Variants in VCAN observed in about 807,000 individuals in gnomAD.
VCAN encodes versican core protein.
VCAN carries 44 observed loss-of-function variants against 245.5 expected under a neutral mutation model. That is an observed-to-expected ratio of 0.18 (90% CI 0.14 to 0.23). VCAN has a LOEUF of 0.23. VCAN is among the 10% of genes least tolerant of loss of function. The probability of loss-of-function intolerance (pLI) is 1.00; values close to 1 mark genes in which losing one functional copy is unlikely to be tolerated. For synonymous variants in VCAN, 1,413 were observed against 1,437.0 expected, an observed-to-expected ratio of 0.98 and a Z score of 0.38; for missense variants, 3,793 against 4,057.9, an observed-to-expected ratio of 0.93 and a Z score of 1.77.
chr5:83,474,298 G>T (rs1289150871), intron 1 of VCAN, among the ~76,000 whole-genome samples: 2 of 152,178 alleles, frequency 1.3e-5, no homozygotes, highest in East Asian at 3.9e-4. Flanking sequence ...AAGGAACGGA[G>T]ATGGGGCAGA....
chr5:83,563,423 C>T (rs1341659011), intron 12 of VCAN, among the ~76,000 whole-genome samples: 1 of 152,150 alleles, frequency 6.6e-6, no homozygotes, highest in Non-Finnish European at 1.5e-5. Context: ...ATAAAAAAGT[C>T]ATTTTAAAGG....
At chr5:83,532,866 A>T (rs1226556642) in intron 7 of VCAN, among the ~76,000 whole-genome samples, 2 of 152,174 alleles carry the variant, frequency 1.3e-5, no homozygotes, top group Non-Finnish European at 2.9e-5. Flanking sequence ...AAGAATTCCC[A>T]TTTAGTAGAC....
intron 9 of VCAN, among the ~76,000 whole-genome samples, chr5:83,547,600 T>C (rs1747281729): frequency 6.6e-6 from 1 of 152,080 alleles, no homozygotes; most frequent in Non-Finnish European, 1.5e-5. Flanking sequence ...TGAGCCATGA[T>C]TGGAGGTGGG....
chr5:83,575,695 G>T (rs1748446711), intron 13 of VCAN, among the ~76,000 whole-genome samples: 1 of 152,086 alleles, frequency 6.6e-6, no homozygotes, highest in African/African-American at 2.4e-5. Flanking sequence ...TTTCTGCATT[G>T]TAAAAAGCAA....
At chr5:83,568,494 A>C (rs539363236) in intron 12 of VCAN, among the ~76,000 whole-genome samples, 1 of 152,280 alleles carries the variant, frequency 6.6e-6, no homozygotes, top group East Asian at 1.9e-4. Context: ...CTTTTAACAG[A>C]GGCCTGAATC....
intron 2 of VCAN, 29 bp from the exon 3 acceptor site, chr5:83,490,069 G>T (rs1246504162): frequency 6.2e-7 from 1 of 1,612,626 alleles, no homozygotes; most frequent in Non-Finnish European, 8.5e-7. Context: ...TTTTAAGATT[G>T]TTAATTTGTT....
intron 10 of VCAN, among the ~76,000 whole-genome samples, chr5:83,550,475 A>G (rs1340297022): frequency 1.3e-5 from 2 of 152,238 alleles, no homozygotes; most frequent in East Asian, 3.9e-4. Context: ...ATTTTTAGGT[A>G]AGGTTGAAAA....
chr5:83,533,743 A>T (rs1746605684), intron 7 of VCAN, among the ~76,000 whole-genome samples: 1 of 152,132 alleles, frequency 6.6e-6, no homozygotes, highest in South Asian at 2.1e-4. Flanking sequence ...ACTACATCTG[A>T]GTTGGTTTTT....
intron 10 of VCAN, among the ~76,000 whole-genome samples, chr5:83,550,449 A>G (rs1228253937): frequency 1.3e-5 from 2 of 152,230 alleles, no homozygotes; most frequent in African/African-American, 2.4e-5. Context: ...TTAATAAATA[A>G]AAAGAGTTTC....
intron 12 of VCAN, among the ~76,000 whole-genome samples, chr5:83,559,517 G>A (rs1191770667): frequency 6.6e-6 from 1 of 152,114 alleles, no homozygotes; most frequent in Non-Finnish European, 1.5e-5. Flanking sequence ...GGCTTTGCCT[G>A]TACTGGCCCT....
chr5:83,507,017 A>C (rs1425176017), intron 5 of VCAN, among the ~76,000 whole-genome samples: 3 of 152,174 alleles, frequency 2.0e-5, no homozygotes, highest in African/African-American at 7.2e-5. Flanking sequence ...ATTTTGGGAG[A>C]TACAATTCAA....
chr5:83,521,578 A>C lies in VCAN; in HGVS notation c.3272A>C (p.Glu1091Ala). The C allele has an allele frequency of 6.2e-7, 1 of 1,614,088 alleles. No individual in the cohort carries two copies. The part of the protein sequence containing the change: ...LTGSERVPVL[E>A]TTPVGKIDHS... ...GGTTCTGAGAGGGTCCCAGTTTTAG[A>C]AACAACTCCAGTTGGAAAAATTGAT... The change falls in exon 7 of 15, where the codon GAA becomes GCA. Residue 1091 changes from glutamate (E) to alanine (A), a missense_variant. Glu to Ala is a moderately radical substitution (Grantham distance 107, BLOSUM62 -1). This residue lies in a region of VCAN where 3,182 missense variants were observed against 3,250.3 expected (regional missense o/e 0.98). Transcript: ENST00000265077.
intron 12 of VCAN, among the ~76,000 whole-genome samples, chr5:83,564,631 T>C (rs1748004493): frequency 6.6e-6 from 1 of 152,046 alleles, no homozygotes; most frequent in Non-Finnish European, 1.5e-5. Flanking sequence ...TTTCTTTGGC[T>C]AGTTTCCTTG....
intron 10 of VCAN, among the ~76,000 whole-genome samples, chr5:83,548,306 TCCAGCC>T (rs1443029615): frequency 2.0e-5 from 3 of 152,312 alleles, no homozygotes; most frequent in East Asian, 1.9e-4. Flanking sequence ...TTTAAAGACA[TCCAGCC>T]AATAAAAGGA....
Position 83,538,446 on chromosome 5 carries a change from C to T in VCAN, c.5443C>T (p.Pro1815Ser), listed in dbSNP as rs778756193. The change falls in exon 8 of 15, where the codon CCT becomes TCT. Residue 1815 changes from proline (P) to serine (S), a missense_variant. Pro to Ser is a moderately conservative substitution (Grantham distance 74, BLOSUM62 -1). Coordinates refer to ENST00000265077, the MANE Select transcript of VCAN (RefSeq NM_004385.5). Reference sequence around the variant, plus strand: ...CACTGAGCACAGCAGTATCCATCAACCTGGGGTTCAGGAAGGGCTGACCAC... The same window carrying T: ...CACTGAGCACAGCAGTATCCATCAATCTGGGGTTCAGGAAGGGCTGACCAC... ...QTTEHSSIHQ[P>S]GVQEGLTTLP... The T allele has an allele frequency of 6.2e-7, 1 of 1,613,978 alleles. No individual in the cohort carries two copies. The highest frequency in any genetic ancestry group is 1.1e-5 in the South Asian group (1 of 91,086).
rs1026028217 is a variant in VCAN at position 83,541,072 on chromosome 5, C to G, written c.8069C>G (p.Ala2690Gly). ...GAATTAGACGTTTTACTTCCCACGG[C>G]AACATCCCTGCCAATTCCTCGTAAG... The part of the protein sequence containing the change: ...ETELDVLLPT[A>G]TSLPIPRKSA... The change falls in exon 8 of 15, where the codon GCA becomes GGA. Residue 2690 changes from alanine (A) to glycine (G), a missense_variant. This residue lies in a region of VCAN where 3,182 missense variants were observed against 3,250.3 expected (regional missense o/e 0.98). Coordinates refer to ENST00000265077, the MANE Select transcript of VCAN (RefSeq NM_004385.5). 2 of 1,614,062 alleles carry G rather than the reference C, an allele frequency of 1.2e-6. No homozygotes were observed.
At position 83,542,151 on chromosome 5, in the gene VCAN, G is replaced by A; in HGVS notation, c.9148G>A (p.Glu3050Lys). The change falls in exon 8 of 15, where the codon GAA (glutamate) becomes AAA (lysine). Residue 3050 changes from glutamate to lysine, a missense_variant. By Grantham distance (56) the Glu-to-Lys change is moderately conservative. Coordinates refer to ENST00000265077, the MANE Select transcript of VCAN (RefSeq NM_004385.5). ...SNDQATVNPV[E>K]FNTEVATPPF... Reference sequence around the variant, plus strand: ...TGATCAGGCAACAGTAAACCCTGTGGAATTTAATACTGAGGTTGCAACACC... The same window carrying A: ...TGATCAGGCAACAGTAAACCCTGTGAAATTTAATACTGAGGTTGCAACACC... 1 of 1,614,088 alleles carries A rather than the reference G, an allele frequency of 6.2e-7. No individual in the cohort carries two copies. Among genetic ancestry groups the A allele is most frequent in the Non-Finnish European group, 8.5e-7 (1 of 1,179,978 alleles).
intron 7 of VCAN, among the ~76,000 whole-genome samples, chr5:83,524,592 A>G (rs1295290152): frequency 2.0e-5 from 3 of 151,374 alleles, no homozygotes; most frequent in Non-Finnish European, 4.4e-5. Context: ...ACCTGTCATC[A>G]TCTGTATTTT....
chr5:83,520,082 T>C lies in VCAN; in HGVS notation c.1776T>C (p.Thr592=). The change falls in exon 7 of 15, where the codon ACT becomes ACC. Residue 592 remains threonine, a synonymous_variant. Transcript: ENST00000265077. ...AGACTTCAGAAGACACCATCCACAC[T>C]CATTTAGAAGACTTGGAGTCAGTCT... The part of the protein sequence containing the change: ...VSKTSEDTIH[T]HLEDLESVSA... 1 of 1,614,052 alleles carries C rather than the reference T, an allele frequency of 6.2e-7. No individual in the cohort carries two copies. The highest frequency in any genetic ancestry group is 8.5e-7 in the Non-Finnish European group (1 of 1,179,966).
Sources: gnomAD v4.1 joint callset for allele counts (sites outside exome capture counted in the v4.1 genomes callset) on GRCh38, gnomAD v4.1.1 for gene constraint, gnomAD v4.1.1 regional missense constraint, MANE v1.5 for transcripts, NCBI Gene and HGNC (gene_info 2026-07-23, HGNC 2026-07-21) for gene names.